The following PPL variants were observed in gnomAD, a reference collection of about 807,000 sequenced individuals.
The protein encoded by PPL is 190 kDa paraneoplastic pemphigus antigen.
Under a neutral mutation model 194.4 loss-of-function variants are expected in PPL, and 198 were observed. That is an observed-to-expected ratio of 1.02 (90% CI 0.91 to 1.15). The LOEUF is 1.15. Ranked by LOEUF, PPL falls within the 50% of genes most tolerant of loss-of-function variation. The pLI is 0.00. For synonymous variants in PPL, 1,220 were observed against 972.4 expected (o/e 1.25, Z -4.74); for missense variants, 2,885 against 2,294.8 (o/e 1.26, Z -5.25).
chr16:4,918,939 G>C (rs552905898), intron 1 of PPL, among the ~76,000 whole-genome samples: 2 of 152,180 alleles, frequency 1.3e-5, no homozygotes, highest in African/African-American at 4.8e-5. Context: ...AGCCGCATCG[G>C]GGCAGCCAGA....
intron 18 of PPL, among the ~76,000 whole-genome samples, chr16:4,889,694 G>A (rs914777473): frequency 2.0e-5 from 3 of 152,148 alleles, no homozygotes; most frequent in South Asian, 2.1e-4. Context: ...ATCTTCAAAC[G>A]ATGCCAGGAG....
chr16:4,918,229 G>C (rs576434487), intron 1 of PPL, among the ~76,000 whole-genome samples: 113 of 150,706 alleles, frequency 7.5e-4, no homozygotes, highest in Middle Eastern at 3.4e-3. Context: ...GGAGGTGGAG[G>C]TTGCAGTGAG....
chr16:4,883,060 C>T lies in PPL; in HGVS notation c.*324G>A, dbSNP rs2088129794. 5 of 319,528 alleles carry T rather than the reference C, an allele frequency of 1.6e-5. No homozygotes were observed. Among genetic ancestry groups the T allele is most frequent in the Non-Finnish European group, 3.0e-5 (5 of 169,382 alleles). The allele number at this position is 319,528 out of a possible 1,614,324, so 19.8% of individuals were successfully genotyped here. A position where few individuals can be genotyped will look rare whatever the true frequency, so the allele number is the denominator to read the frequency against. ...TGGCTGCTGTGGTTGGCTTGTCCTT[C>T]AGTGGTTTTCAGATTGTGTGCAGTT... On this transcript the variant is annotated 3_prime_UTR_variant, in exon 22 of 22. Transcript: ENST00000345988. The surrounding 1 kb of genome is among the most constrained non-coding windows in gnomAD (Gnocchi z 4.8).
In PPL at chr16:4,899,342, C is replaced by G; in HGVS notation, c.649G>C (p.Asp217His). ...TCATTGGTGCAGCGCTGCATGTAGT[C>G]CTGCAGCGAACTCAGGTGCTGCTGC... ...ARQQHLSSLQ[D>H]YMQRCTNELY... The change falls in exon 7 of 22, where the codon GAC becomes CAC. Residue 217 changes from aspartate (D) to histidine (H), a missense_variant. Coordinates refer to ENST00000345988, the MANE Select transcript of PPL (RefSeq NM_002705.5). 1.2e-6 allele frequency: 2 copies of G among 1,612,300 alleles called. No homozygotes were observed. Among genetic ancestry groups the G allele is most frequent in the Non-Finnish European group, 1.7e-6 (2 of 1,179,248 alleles).
Position 4,884,343 on chromosome 16 carries a change from G to A in PPL, c.4312C>T (p.Arg1438Cys), listed in dbSNP as rs371664572. ...AALEQEEAEA[R>C]EKVTHTQKVV... ...TTCTGCGTATGGGTTACCTTCTCAC[G>A]GGCCTCAGCTTCTTCCTGCTCCAGC... The change falls in exon 22 of 22, where the codon CGT (arginine) becomes TGT (cysteine). Residue 1438 changes from arginine to cysteine, a missense_variant. Coordinates refer to ENST00000345988, the MANE Select transcript of PPL (RefSeq NM_002705.5). The surrounding 1 kb of genome is among the most constrained non-coding windows in gnomAD (Gnocchi z 5.7). 11 of 1,612,278 alleles carry A rather than the reference G, an allele frequency of 6.8e-6. No homozygotes were observed. Among genetic ancestry groups the A allele is most frequent in the Admixed American group, 5.0e-5 (3 of 59,458 alleles).
At chr16:4,906,921 T>C (rs558179888) in intron 2 of PPL, among the ~76,000 whole-genome samples, 22 of 152,286 alleles carry the variant, frequency 1.4e-4, no homozygotes, top group Middle Eastern at 3.4e-3. Context: ...CTAGAGTTTA[T>C]ATAAGTTATA....
chr16:4,900,985 G>A lies in PPL; in HGVS notation c.543C>T (p.His181=). Reference sequence around the variant, plus strand: ...CCACCTTGTCCCCGTCCTTGGCCAGGTGGGGCCCGATGGCCTTGACCTCAT... The same window carrying A: ...CCACCTTGTCCCCGTCCTTGGCCAGATGGGGCCCGATGGCCTTGACCTCAT... ...FHNEVKAIGP[H]LAKDGDKEQN... Residue 181 remains histidine (H), a synonymous_variant, in exon 5 of 22, where the codon CAC becomes CAT. Transcript: ENST00000345988. The A allele has an allele frequency of 6.2e-7, 1 of 1,614,176 alleles. No individual in the cohort carries two copies. The highest frequency in any genetic ancestry group is 8.5e-7 in the Non-Finnish European group (1 of 1,180,028).
At chr16:4,904,163 TC>T in intron 2 of PPL, 123 bp from the exon 3 acceptor site, 1 of 1,032,668 alleles carries the variant, frequency 9.7e-7, no homozygotes, top group South Asian at 1.5e-5. Flanking sequence ...AATAACGTCT[TC>T]CAGGCTTGTC....
At chr16:4,919,036 G>A (rs1271414404) in intron 1 of PPL, among the ~76,000 whole-genome samples, 2 of 152,228 alleles carry the variant, frequency 1.3e-5, no homozygotes, top group East Asian at 1.9e-4. Flanking sequence ...GCAGCCACCT[G>A]CCTGAGCCAG....
Position 4,902,310 on chromosome 16 carries a change from C to G in PPL, c.438+96G>C. The G allele has an allele frequency of 1.9e-6, 3 of 1,545,598 alleles. No individual in the cohort carries two copies. In the East Asian group the frequency reaches 6.8e-5, roughly 35 times the overall value. ...GACCACGACTGTCTCCCTGGTAAGA[C>G]CCGGGATGCCCATTACATGGGTAGG... On this transcript the variant is annotated intron_variant, in intron 4 of 21. Coordinates refer to ENST00000345988, the MANE Select transcript of PPL (RefSeq NM_002705.5). The surrounding 1 kb of genome is among the most constrained non-coding windows in gnomAD (Gnocchi z 4.0).
At chr16:4,900,378 G>A (rs909113125) in intron 6 of PPL, among the ~76,000 whole-genome samples, 1 of 147,392 alleles carries the variant, frequency 6.8e-6, no homozygotes, top group African/African-American at 2.5e-5. Context: ...GGAAAAGGCT[G>A]GGGCACCTCT....
intron 1 of PPL, among the ~76,000 whole-genome samples, chr16:4,933,262 G>GGACC (rs1454834726): frequency 6.6e-6 from 1 of 152,040 alleles, no homozygotes; most frequent in Non-Finnish European, 1.5e-5. Context: ...TCCCCTCAAA[G>GGACC]CCTGGGGTCC....
At position 4,887,363 on chromosome 16, in the gene PPL, G is replaced by A. The variant is rs552296119; in HGVS notation, c.2515-136C>T. 11 of 683,676 alleles carry A rather than the reference G, an allele frequency of 1.6e-5. No individual in the cohort carries two copies. The East Asian group carries it at 2.6e-4, about 16-fold the overall frequency. The allele number at this position is 683,676 out of a possible 1,614,324, so 42.4% of individuals were successfully genotyped here. ...AGAGGCATAGCTCTTGCCCACTCCT[G>A]CCTGGAGTTAGACTGTAGCCTCACC... On this transcript the variant is annotated intron_variant, in intron 20 of 21. Transcript: ENST00000345988.
chr16:4,914,603 C>T (rs2088883426), intron 1 of PPL, among the ~76,000 whole-genome samples: 1 of 152,164 alleles, frequency 6.6e-6, no homozygotes, highest in South Asian at 2.1e-4. Context: ...CAGCCTGTCC[C>T]AAAGTGGGGT....
At chr16:4,929,940 G>A (rs2089206623) in intron 1 of PPL, among the ~76,000 whole-genome samples, 1 of 151,506 alleles carries the variant, frequency 6.6e-6, no homozygotes, top group Non-Finnish European at 1.5e-5. Context: ...CTCCCGCCTT[G>A]GCCTCCCAAA....
Position 4,885,400 on chromosome 16 carries a change from C to G in PPL, c.3255G>C (p.Glu1085Asp). 1 of 1,612,946 alleles carries G rather than the reference C, an allele frequency of 6.2e-7. No homozygotes were observed. Among genetic ancestry groups the G allele is most frequent in the Non-Finnish European group, 8.5e-7 (1 of 1,180,020 alleles). ...EDHQRQDQLR[E>D]KQEEELSFLQ... ...GGAAGCTCAGCTCCTCCTCCTGCTT[C>G]TCCCTGAGCTGGTCCTGGCGCTGGT... The change falls in exon 22 of 22, where the codon GAG becomes GAC. Residue 1085 changes from glutamate (E) to aspartate (D), a missense_variant. Glu to Asp is a conservative substitution (Grantham distance 45). Coordinates refer to ENST00000345988, the MANE Select transcript of PPL (RefSeq NM_002705.5). The surrounding 1 kb of genome is among the most constrained non-coding windows in gnomAD (Gnocchi z 6.3).
intron 21 of PPL, 32 bp from the exon 22 acceptor site, chr16:4,886,079 C>A: frequency 1.2e-6 from 2 of 1,612,828 alleles, no homozygotes; most frequent in Non-Finnish European, 1.7e-6. Context: ...AAGGTTAAAG[C>A]CAGGCTCTGG....
chr16:4,927,694 G>C (rs550637735), intron 1 of PPL, among the ~76,000 whole-genome samples: 2 of 152,180 alleles, frequency 1.3e-5, no homozygotes, highest in Non-Finnish European at 2.9e-5. Context: ...TTAATCCTGT[G>C]GAAATATATC....
In PPL at chr16:4,902,382, C is replaced by G. The variant is rs374530597; in HGVS notation, c.438+24G>C. ...CCCCTCCCCAGCTGAAACCCTGGAG[C>G]CAGCGGCCCCGTCCAGGCCATACCA... On this transcript the variant is annotated intron_variant, in intron 4 of 21. Transcript: ENST00000345988. The surrounding 1 kb of genome is among the most constrained non-coding windows in gnomAD (Gnocchi z 4.0). 2.0e-5 allele frequency: 32 copies of G among 1,612,058 alleles called. No homozygotes were observed. Among genetic ancestry groups the G allele is most frequent in the Non-Finnish European group, 2.5e-5 (29 of 1,178,960 alleles).
Sources: gnomAD v4.1 joint callset for allele counts (sites outside exome capture counted in the v4.1 genomes callset) on GRCh38, gnomAD v4.1.1 for gene constraint, Gnocchi (gnomAD v3.1) non-coding constraint, MANE v1.5 for transcripts, NCBI Gene and HGNC (gene_info 2026-07-23, HGNC 2026-07-21) for gene names.